SAMD3: variants seen among roughly 807,000 people sequenced by gnomAD.
SAMD3 encodes the protein sterile alpha motif domain containing 3.
A neutral mutation model predicts 58.5 loss-of-function variants in SAMD3; 63 were observed. The observed-to-expected ratio is 1.08, with a 90% CI of 0.88 to 1.33. The LOEUF (loss-of-function observed/expected upper bound fraction) is 1.33. SAMD3 is among the 40% of genes most tolerant of loss of function. The pLI is 0.00. For missense variants in SAMD3, 604 were observed against 608.4 expected, an observed-to-expected ratio of 0.99 and a Z score of 0.08; for synonymous variants, 220 against 210.3, an observed-to-expected ratio of 1.05 and a Z score of -0.40.
chr6:130,197,107 T>G (rs1275378285), intron 5 of SAMD3, among the ~76,000 whole-genome samples: 1 of 152,198 alleles, frequency 6.6e-6, no homozygotes, highest in Non-Finnish European at 1.5e-5. Flanking sequence ...TGGACAATAC[T>G]TTTACTACTT....
chr6:130,149,200 T>C (rs1314547872), intron 9 of SAMD3, among the ~76,000 whole-genome samples: 1 of 152,188 alleles, frequency 6.6e-6, no homozygotes, highest in Non-Finnish European at 1.5e-5. Flanking sequence ...TTATGAGCAC[T>C]AACATCTGTG....
intron 2 of SAMD3, among the ~76,000 whole-genome samples, chr6:130,230,997 C>T (rs1404570261): frequency 6.6e-6 from 1 of 151,926 alleles, no homozygotes; most frequent in Non-Finnish European, 1.5e-5. Context: ...TTCAACAGTG[C>T]TATTAATGAC....
At chr6:130,227,682 A>T (rs1339451166), upstream of SAMD3, among the ~76,000 whole-genome samples, 8 of 151,772 alleles carry the variant, frequency 5.3e-5, no homozygotes, top group African/African-American at 1.7e-4. Flanking sequence ...CAGCTACTTG[A>T]GAGGCTGAGG....
At position 130,144,772 on chromosome 6, in the gene SAMD3, T is replaced by G. The variant is rs752786471; in HGVS notation, c.1311A>C (p.Lys437Asn). Residue 437 changes from lysine to asparagine, a missense_variant, in exon 12 of 12, where the codon AAA becomes AAC. Coordinates refer to ENST00000439090, the MANE Select transcript of SAMD3 (RefSeq NM_001017373.4). ...CGCAGACCTCCATGTTGAAAGGGTT[T>G]TTAACTTCCAACACAGGTGTGGACA... ...VQVSTPVLEV[K>N]NPFNMEVCEF... The G allele has an allele frequency of 6.4e-5, 104 of 1,613,886 alleles. No homozygotes were observed. The highest frequency in any genetic ancestry group is 8.6e-5 in the Non-Finnish European group (101 of 1,179,980).
At chr6:130,165,402 AACAAAC>A (rs1790642904) in intron 8 of SAMD3, among the ~76,000 whole-genome samples, 1 of 152,046 alleles carries the variant, frequency 6.6e-6, no homozygotes, top group Non-Finnish European at 1.5e-5. Context: ...AACCAACAAA[AACAAAC>A]AAACAAAAAA....
At chr6:130,155,728 C>T (rs537235412) in intron 8 of SAMD3, among the ~76,000 whole-genome samples, 3 of 152,096 alleles carry the variant, frequency 2.0e-5, no homozygotes, top group Non-Finnish European at 2.9e-5. Context: ...ACAGATGATA[C>T]CTATAAAAGA....
At chr6:130,294,119 T>C (rs1052853568) in intron 2 of SAMD3, among the ~76,000 whole-genome samples, 1 of 152,222 alleles carries the variant, frequency 6.6e-6, no homozygotes. Flanking sequence ...GAAGAGCTAG[T>C]AAGCAAGAAT....
chr6:130,150,110 T>C (rs982121684), intron 9 of SAMD3, among the ~76,000 whole-genome samples: 5 of 151,738 alleles, frequency 3.3e-5, no homozygotes, highest in Admixed American at 6.6e-5. Context: ...TGTGTGTGTG[T>C]GTGCGCGCGT....
rs182205040 is a variant in SAMD3, at chr6:130,202,608, T to C, written c.383+6887A>G. On this transcript the variant is annotated intron_variant, in intron 5 of 11. Transcript: ENST00000439090. ...CTAAGGTGTTTTGTTGTAATGTTAATAGATGTTACACAAAGAGAAATCCTG... is the reference window on the plus strand; with the variant it reads ...CTAAGGTGTTTTGTTGTAATGTTAACAGATGTTACACAAAGAGAAATCCTG... Among the ~76,000 whole-genome samples the C allele has an allele frequency of 1.5e-4, 23 of 152,332 alleles. No individual in the cohort carries two copies. The East Asian group carries it at 3.9e-3, about 26-fold the overall frequency.
intron 2 of SAMD3, among the ~76,000 whole-genome samples, chr6:130,236,195 T>C (rs1385136858): frequency 6.6e-6 from 1 of 152,202 alleles, no homozygotes; most frequent in Non-Finnish European, 1.5e-5. Context: ...AACTATTTAA[T>C]TTTAAAAGTA....
chr6:130,269,620 C>T lies in SAMD3; in HGVS notation c.-188+43358G>A, dbSNP rs143035273. Among the ~76,000 whole-genome samples, 1,077 of 152,028 alleles carry T rather than the reference C, an allele frequency of 7.1e-3. 11 individuals carry two copies. The highest frequency in any genetic ancestry group is 0.017 in the Middle Eastern group (5 of 294). ...CTTCTCTCTTTTTCTTTTTGTCAGT[C>T]TTCCTAGAGGTTTATCAATTTTATT... On this transcript the variant is annotated intron_variant, in intron 2 of 13. Transcript: ENST00000368134.
At chr6:130,209,362 T>C (rs1795341434) in intron 5 of SAMD3, 133 bp downstream of exon 5, 1 of 510,916 alleles carries the variant, frequency 2.0e-6, no homozygotes. Context: ...TATCGCTGGA[T>C]AAAAATATAT....
chr6:130,158,867 T>C (rs1239104205), intron 8 of SAMD3, among the ~76,000 whole-genome samples: 3 of 152,190 alleles, frequency 2.0e-5, no homozygotes, highest in Non-Finnish European at 4.4e-5. Flanking sequence ...CCACGACCAG[T>C]CTGATTGGTT....
At chr6:130,183,333 TC>T in intron 7 of SAMD3, 1 of 387,080 alleles carries the variant, frequency 2.6e-6, no homozygotes, top group South Asian at 1.7e-5. Context: ...CGAGACTCCG[TC>T]TCAAAAAAAA....
chr6:130,358,059 G>T (rs192005665), intron 1 of SAMD3, among the ~76,000 whole-genome samples: 66 of 152,282 alleles, frequency 4.3e-4, no homozygotes, highest in African/African-American at 1.5e-3. Flanking sequence ...TTTTCTGTCT[G>T]CTCTTTTTAT....
chr6:130,215,705 G>A, intron 2 of SAMD3: 1 of 1,458,390 alleles, frequency 6.9e-7, no homozygotes, highest in South Asian at 1.4e-5. Flanking sequence ...ATTTACAGAA[G>A]GGGTGGGCAG....
chr6:130,227,044 A>T (rs1796399595), upstream of SAMD3, among the ~76,000 whole-genome samples: 2 of 152,212 alleles, frequency 1.3e-5, no homozygotes, highest in African/African-American at 4.8e-5. Flanking sequence ...TTATTGTGCA[A>T]CCATCACTAT....
At chr6:130,161,615 G>T (rs1172620311) in intron 8 of SAMD3, 1 of 152,128 alleles carries the variant, frequency 6.6e-6, no homozygotes, top group East Asian at 1.9e-4. Flanking sequence ...CATATTGTTA[G>T]ATTTATATAT....
intron 5 of SAMD3, among the ~76,000 whole-genome samples, chr6:130,189,655 T>C (rs1263085069): frequency 6.6e-6 from 1 of 152,240 alleles, no homozygotes; most frequent in Non-Finnish European, 1.5e-5. Flanking sequence ...TTCATGCTAC[T>C]ACACTAATCC....
Sources: gnomAD v4.1 joint callset for allele counts (sites outside exome capture counted in the v4.1 genomes callset) on GRCh38, gnomAD v4.1.1 for gene constraint, MANE v1.5 for transcripts, NCBI Gene and HGNC (gene_info 2026-07-23, HGNC 2026-07-21) for gene names.